Variants in ERBIN observed in about 807,000 individuals in gnomAD.
ERBIN encodes the protein erbb2 interacting protein, also known as densin-180-like protein.
ERBIN carries 60 observed loss-of-function variants against 158.4 expected under a neutral mutation model. The observed-to-expected ratio is 0.38, with a 90% CI of 0.31 to 0.47. The LOEUF (loss-of-function observed/expected upper bound fraction) is 0.47. Among genes scored for constraint, ERBIN ranks in the 20% least tolerant of loss-of-function variants. The pLI is 0.99. For synonymous variants in ERBIN, 594 were observed against 557.2 expected, an observed-to-expected ratio of 1.07 and a Z score of -0.93; for missense variants, 1,610 against 1,648.0, an observed-to-expected ratio of 0.98 and a Z score of 0.40.
Position 66,075,159 on chromosome 5 carries a change from G to T in ERBIN, c.3892G>T (p.Val1298Leu), listed in dbSNP as rs772989373. Reference sequence around the variant, plus strand: ...ACTAATTGATTACTTGATGCTGAAAGTGGCCCACCAGCCTCCATATACACA... The same window carrying T: ...ACTAATTGATTACTTGATGCTGAAATTGGCCCACCAGCCTCCATATACACA... ...EQLIDYLMLK[V>L]AHQPPYTQPH... Residue 1298 changes from valine to leucine, a missense_variant, in exon 23 of 26, where the codon GTG (valine) becomes TTG (leucine). Around this residue, in one of 2 missense-constraint regions of ERBIN, gnomAD observed 1,014 missense variants for 936.1 expected, o/e 1.08. Coordinates refer to ENST00000284037, the MANE Select transcript of ERBIN (RefSeq NM_001253697.2). 10 of 1,614,022 alleles carry T rather than the reference G, an allele frequency of 6.2e-6. No individual in the cohort carries two copies. The highest frequency in any genetic ancestry group is 8.5e-6 in the Non-Finnish European group (10 of 1,180,026).
chr5:65,953,331 T>C (rs1052947201), intron 1 of ERBIN, among the ~76,000 whole-genome samples: 5 of 152,182 alleles, frequency 3.3e-5, no homozygotes, highest in Admixed American at 6.5e-5. Context: ...TGGGCAGATA[T>C]TTTAGGTTCT....
intron 21 of ERBIN, among the ~76,000 whole-genome samples, chr5:66,055,427 C>G (rs1244212134): frequency 6.6e-6 from 1 of 152,160 alleles, no homozygotes; most frequent in East Asian, 1.9e-4. Context: ...TGGCTTCTGG[C>G]ATGGCATTTA....
At chr5:65,961,929 CT>C (rs1747973321) in intron 1 of ERBIN, among the ~76,000 whole-genome samples, 1 of 152,088 alleles carries the variant, frequency 6.6e-6, no homozygotes, top group Admixed American at 6.5e-5. Context: ...CTTTTTGGTG[CT>C]GCAGAAAGCT....
chr5:66,044,071 A>T, intron 16 of ERBIN, 66 bp from the exon 17 acceptor site: 2 of 1,210,188 alleles, frequency 1.7e-6, no homozygotes, highest in Non-Finnish European at 2.2e-6. Flanking sequence ...GTTACAGATT[A>T]AATTTTGTTT....
intron 1 of ERBIN, among the ~76,000 whole-genome samples, chr5:65,984,547 C>T (rs1477872297): frequency 6.6e-6 from 1 of 152,238 alleles, no homozygotes; most frequent in African/African-American, 2.4e-5. Flanking sequence ...TCACCATCAG[C>T]AGTCAGTGGC....
chr5:65,943,536 T>A (rs1030761175), intron 1 of ERBIN, among the ~76,000 whole-genome samples: 1 of 152,204 alleles, frequency 6.6e-6, no homozygotes, highest in Admixed American at 6.5e-5. Flanking sequence ...CCATCATTAC[T>A]TTTTTTAAGT....
At chr5:66,060,567 C>G (rs1041622663) in intron 21 of ERBIN, among the ~76,000 whole-genome samples, 1 of 152,106 alleles carries the variant, frequency 6.6e-6, no homozygotes, top group Non-Finnish European at 1.5e-5. Flanking sequence ...TTAGTTATTT[C>G]TTGTCTTCTG....
intron 1 of ERBIN, among the ~76,000 whole-genome samples, chr5:65,957,798 G>A (rs924198732): frequency 9.2e-5 from 14 of 152,064 alleles, no homozygotes; most frequent in Non-Finnish European, 2.1e-4. Context: ...CGGCAGGGCA[G>A]AGGCGCACCC....
At chr5:66,053,301 T>C in intron 20 of ERBIN, 105 bp from the exon 21 acceptor site, 1 of 611,962 alleles carries the variant, frequency 1.6e-6, no homozygotes, top group Non-Finnish European at 2.6e-6. Flanking sequence ...TTGACTTTTA[T>C]TAACTTTTTT....
At chr5:66,063,023 G>T (rs898380889) in intron 21 of ERBIN, among the ~76,000 whole-genome samples, 16 of 152,348 alleles carry the variant, frequency 1.1e-4, no homozygotes, top group Middle Eastern at 3.4e-3. Context: ...CCTGTTCTCA[G>T]ATCTCAAGCT....
intron 4 of ERBIN, among the ~76,000 whole-genome samples, chr5:66,003,423 C>G (rs1329377808): frequency 6.6e-6 from 1 of 151,726 alleles, no homozygotes; most frequent in African/African-American, 2.4e-5. Flanking sequence ...TAACGGTTTG[C>G]CGTGGATGGG....
intron 21 of ERBIN, among the ~76,000 whole-genome samples, chr5:66,063,096 G>C (rs1019120496): frequency 6.6e-6 from 1 of 152,220 alleles, no homozygotes; most frequent in African/African-American, 2.4e-5. Context: ...AGTCTGCAGA[G>C]GTTATTGCTG....
chr5:66,039,025 CGT>C (rs149165726), intron 15 of ERBIN, among the ~76,000 whole-genome samples: 178 of 148,488 alleles, frequency 1.2e-3, no homozygotes, highest in East Asian at 1.8e-3. Flanking sequence ...GTACTCTCTG[CGT>C]GTGTGTGTGT....
chr5:66,029,300 T>C (rs1180264156), intron 14 of ERBIN, among the ~76,000 whole-genome samples: 1 of 152,254 alleles, frequency 6.6e-6, no homozygotes, highest in African/African-American at 2.4e-5. Context: ...TACAATTTAC[T>C]GATCTTTTGA....
intron 1 of ERBIN, among the ~76,000 whole-genome samples, chr5:65,985,382 G>A (rs752907194): frequency 3.9e-5 from 6 of 152,314 alleles, no homozygotes; most frequent in Admixed American, 1.3e-4. Flanking sequence ...GAGCCACCAC[G>A]CCCGGCCCGA....
Position 66,076,928 on chromosome 5 carries a change from G to A in ERBIN, c.4110G>A (p.Gln1370=). The A allele has an allele frequency of 6.2e-7, 1 of 1,606,660 alleles. No individual in the cohort carries two copies. Residue 1370 remains glutamine (Q), a synonymous_variant, in exon 25 of 26, where the codon CAG becomes CAA. Transcript: ENST00000284037. The part of the protein sequence containing the change: ...QPEGPASKLL[Q]PGDKIIQANG... ...AAGGACCAGCATCAAAATTACTGCA[G>A]CCAGGTGATAAAATTATTCAGGTAA...
intron 2 of ERBIN, among the ~76,000 whole-genome samples, chr5:65,991,587 TTTTTAAAAGTCGA>T (rs1751875796): frequency 1.3e-5 from 2 of 152,364 alleles, no homozygotes; most frequent in South Asian, 4.1e-4. Context: ...ACAATTCAAA[TTTTTAAAAGTCGA>T]TTTTTAAACT....
In ERBIN at chr5:65,977,197, G is replaced by GA. The variant is rs1304482705; in HGVS notation, c.-57-11437dup. On this transcript the variant is annotated intron_variant, in intron 1 of 25. Transcript: ENST00000284037. ...GGGGCGGCTGGCCGGGCGGGGGGCTGACCCCCCCCCACCTCCCTCCCGGAT... is the reference window on the plus strand; with the variant it reads ...GGGGCGGCTGGCCGGGCGGGGGGCTGAACCCCCCCCCACCTCCCTCCCGGAT... Among the ~76,000 whole-genome samples the GA allele has an allele frequency of 1.4e-4, 18 of 126,680 alleles. 1 individual carries two copies. The highest frequency in any genetic ancestry group is 6.5e-4 in the African/African-American group (18 of 27,876). 83.1% of individuals were successfully genotyped at this position (126,680 alleles called of 152,430 possible).
At chr5:65,953,747 G>T (rs1746780279) in intron 1 of ERBIN, among the ~76,000 whole-genome samples, 1 of 152,128 alleles carries the variant, frequency 6.6e-6, no homozygotes, top group South Asian at 2.1e-4. Context: ...ATTAAGACAT[G>T]GATTATCTGG....
Sources: allele counts gnomAD v4.1 joint callset (sites outside exome capture counted in the v4.1 genomes callset), GRCh38; gene constraint gnomAD v4.1.1; regional missense constraint gnomAD v4.1.1; transcripts MANE v1.5; gene names NCBI Gene and HGNC (gene_info 2026-07-23, HGNC 2026-07-21).